RNF141: variants seen among roughly 807,000 people sequenced by gnomAD.
RNF141 encodes the protein C3HC4-like zinc finger protein.
In RNF141, 18 loss-of-function variants were observed where a neutral mutation model predicts 27.4. That is an observed-to-expected ratio of 0.66 (90% CI 0.45 to 0.97). The LOEUF (loss-of-function observed/expected upper bound fraction) is 0.97, where lower values mean the gene tolerates loss of function less well. Ranked by LOEUF, RNF141 falls within the 50% of genes least tolerant of loss-of-function variation. The pLI, the probability that RNF141 is intolerant of heterozygous loss-of-function variation, is 0.00. For synonymous variants in RNF141, 97 were observed against 96.6 expected (o/e 1.00, Z -0.02); for missense variants, 230 against 279.4 (o/e 0.82, Z 1.26).
At chr11:10,525,937 C>T (rs1445336072) in intron 3 of RNF141, among the ~76,000 whole-genome samples, 3 of 152,074 alleles carry the variant, frequency 2.0e-5, no homozygotes, top group Non-Finnish European at 4.4e-5. Flanking sequence ...GAGGTGAAAC[C>T]AGTGGCCCAA....
At chr11:10,530,552 G>A (rs1039116741) in intron 3 of RNF141, 91 bp downstream of exon 3, 20 of 596,872 alleles carry the variant, frequency 3.4e-5, no homozygotes, top group African/African-American at 3.2e-4. Context: ...TTATTAAAAT[G>A]TATATGCATT....
intron 1 of RNF141, 76 bp from the exon 2 acceptor site, chr11:10,534,281 G>A: frequency 9.9e-7 from 1 of 1,008,340 alleles, no homozygotes; most frequent in African/African-American, 1.6e-5. Flanking sequence ...AAAACATAAA[G>A]AAAAACTAGG....
intron 2 of RNF141, among the ~76,000 whole-genome samples, chr11:10,532,540 C>CA (rs1849998089): frequency 8.2e-6 from 1 of 122,284 alleles, no homozygotes; most frequent in Non-Finnish European, 1.9e-5. Flanking sequence ...CACACACACC[C>CA]CACAACTATA....
At chr11:10,521,814 T>C (rs1483977460) in intron 4 of RNF141, among the ~76,000 whole-genome samples, 1 of 152,232 alleles carries the variant, frequency 6.6e-6, no homozygotes, top group African/African-American at 2.4e-5. Context: ...ACCAGGAAGC[T>C]GGCATGATAC....
rs747691737 is a variant in RNF141, at chr11:10,514,900, G to T, written c.*16C>A. ...ATTTGAGCCCACAATAGCAACAGAA[G>T]ACTTTCACTTCAAGGTCATGGCCTG... On this transcript the variant is annotated 3_prime_UTR_variant, in exon 6 of 6. Coordinates refer to ENST00000265981, the MANE Select transcript of RNF141 (RefSeq NM_016422.4). The T allele has an allele frequency of 6.3e-7, 1 of 1,597,162 alleles. No homozygotes were observed. The highest frequency in any genetic ancestry group is 8.5e-7 in the Non-Finnish European group (1 of 1,171,750).
At chr11:10,539,703 A>ATATATATATAT (rs1347764353) in intron 1 of RNF141, among the ~76,000 whole-genome samples, 5 of 1,776 alleles carry the variant, frequency 2.8e-3, no homozygotes, top group African/African-American at 4.9e-3. Context: ...TATATATTAG[A>ATATATATATAT]GAGAGAAGGA....
intron 4 of RNF141, among the ~76,000 whole-genome samples, chr11:10,524,447 G>A (rs990422334): frequency 6.6e-6 from 1 of 152,086 alleles, no homozygotes; most frequent in Non-Finnish European, 1.5e-5. Flanking sequence ...TAACTTTAAG[G>A]TAAAGGACAC....
intron 3 of RNF141, among the ~76,000 whole-genome samples, chr11:10,527,371 T>C (rs1421424563): frequency 6.6e-6 from 1 of 151,832 alleles, no homozygotes; most frequent in Non-Finnish European, 1.5e-5. Context: ...GAAGTTGACA[T>C]TTAAGAACTG....
At chr11:10,526,658 C>T (rs1238719542) in intron 3 of RNF141, among the ~76,000 whole-genome samples, 1 of 152,046 alleles carries the variant, frequency 6.6e-6, no homozygotes, top group Non-Finnish European at 1.5e-5. Flanking sequence ...TGGCACACGC[C>T]TATAGTCCCA....
At chr11:10,519,182 T>C (rs752741404) in intron 4 of RNF141, 41 bp from the exon 5 acceptor site, 20 of 1,538,764 alleles carry the variant, frequency 1.3e-5, no homozygotes, top group Non-Finnish European at 1.8e-5. Context: ...ATATTCTCTG[T>C]CATTATGCTT....
At chr11:10,515,603 A>G (rs1007540695) in intron 5 of RNF141, 3 of 152,274 alleles carry the variant, frequency 2.0e-5, no homozygotes, top group Non-Finnish European at 2.9e-5. Flanking sequence ...AGATTTGGTC[A>G]AAGTGTCAAG....
chr11:10,538,912 C>T (rs2133978159), intron 1 of RNF141, among the ~76,000 whole-genome samples: 1 of 152,318 alleles, frequency 6.6e-6, no homozygotes, highest in Non-Finnish European at 1.5e-5. Flanking sequence ...ACATAATTTG[C>T]AAACCACTGG....
intron 1 of RNF141, among the ~76,000 whole-genome samples, chr11:10,535,578 T>C (rs1356769367): frequency 6.6e-6 from 1 of 152,106 alleles, no homozygotes; most frequent in Non-Finnish European, 1.5e-5. Context: ...AAGAGGTCTC[T>C]AGGGCAGTCA....
intron 2 of RNF141, among the ~76,000 whole-genome samples, chr11:10,533,652 A>G (rs1294003333): frequency 1.3e-5 from 2 of 152,074 alleles, no homozygotes; most frequent in African/African-American, 4.8e-5. Flanking sequence ...GTCTTTCTCT[A>G]GAGTGGCTAA....
chr11:10,537,610 A>G (rs1850049646), intron 1 of RNF141, among the ~76,000 whole-genome samples: 1 of 152,234 alleles, frequency 6.6e-6, no homozygotes. Context: ...AGAAAAACAC[A>G]CAAATTTTAT....
rs569856990 is a variant in RNF141, at chr11:10,529,044, T to A, written c.252+1599A>T. 1.3e-3 allele frequency among the ~76,000 whole-genome samples: 154 copies of A among 117,700 alleles called. 1 individual carries two copies. Among genetic ancestry groups the A allele is most frequent in the Non-Finnish European group, 1.8e-3 (89 of 49,676 alleles). The allele number at this position is 117,700 out of a possible 152,430, so 77.2% of individuals were successfully genotyped here. A position where few individuals can be genotyped will look rare whatever the true frequency, so the allele number is the denominator to read the frequency against. On this transcript the variant is annotated intron_variant, in intron 3 of 5. Transcript: ENST00000265981. ...GACATCAGGTTTAGAGATGCAGAAA[T>A]AAAAGGTGTGGCAGAAACTACTGGC...
intron 4 of RNF141, among the ~76,000 whole-genome samples, chr11:10,521,155 C>G (rs1179828768): frequency 6.6e-6 from 1 of 152,212 alleles, no homozygotes; most frequent in African/African-American, 2.4e-5. Flanking sequence ...AGCCATATAC[C>G]TTTGCAGATG....
At chr11:10,522,880 G>A (rs1429015436) in intron 4 of RNF141, among the ~76,000 whole-genome samples, 5 of 152,192 alleles carry the variant, frequency 3.3e-5, no homozygotes, top group African/African-American at 1.2e-4. Flanking sequence ...TGAGGAAACT[G>A]AGGAAACAGT....
In RNF141 at chr11:10,513,688, T is replaced by G. The variant is rs1386045546; in HGVS notation, c.*1228A>C. Reference sequence around the variant, plus strand: ...AAAAGCCTCACTCTATTTTCTTGTGTTTTTTTTTTGATTAGGAGTCTCGTT... The same window carrying G: ...AAAAGCCTCACTCTATTTTCTTGTGGTTTTTTTTTGATTAGGAGTCTCGTT... On this transcript the variant is annotated 3_prime_UTR_variant, in exon 6 of 6. Transcript: ENST00000265981. 5.6e-5 allele frequency: 2 copies of G among 35,796 alleles called. No homozygotes were observed. Among genetic ancestry groups the G allele is most frequent in the Non-Finnish European group, 1.2e-4 (2 of 16,682 alleles). The allele number at this position is 35,796 out of a possible 1,614,324, so 2.2% of individuals were successfully genotyped here.
Sources: allele counts gnomAD v4.1 joint callset (sites outside exome capture counted in the v4.1 genomes callset), GRCh38; gene constraint gnomAD v4.1.1; transcripts MANE v1.5; gene names NCBI Gene and HGNC (gene_info 2026-07-23, HGNC 2026-07-21).